CAMK2D: variants seen among roughly 807,000 people sequenced by gnomAD.
The protein encoded by CAMK2D is calcium/calmodulin dependent protein kinase II delta, also known as calcium/calmodulin-dependent protein kinase type II subunit delta.
CAMK2D carries 37 observed loss-of-function variants against 84.0 expected under a neutral mutation model. That is an observed-to-expected ratio of 0.44 (90% CI 0.34 to 0.58). CAMK2D has a LOEUF of 0.58. CAMK2D is among the 20% of genes least tolerant of loss of function. The pLI, the probability that CAMK2D is intolerant of heterozygous loss-of-function variation, is 0.02. For missense variants in CAMK2D, 448 were observed against 652.5 expected (o/e 0.69, Z 3.41); for synonymous variants, 202 against 212.5 (o/e 0.95, Z 0.43).
intron 2 of CAMK2D, among the ~76,000 whole-genome samples, chr4:113,680,915 C>T (rs1166930050): frequency 6.6e-6 from 1 of 152,178 alleles, no homozygotes; most frequent in Non-Finnish European, 1.5e-5. Flanking sequence ...TTAATCTTCA[C>T]CATCTCCCTG....
chr4:113,584,701 C>A (rs1436751085), intron 4 of CAMK2D, among the ~76,000 whole-genome samples: 2 of 152,016 alleles, frequency 1.3e-5, no homozygotes, highest in Non-Finnish European at 2.9e-5. Flanking sequence ...TTATGCTCAC[C>A]CCTTAGATAA....
chr4:113,543,767 A>AGTTT (rs1165768667), intron 6 of CAMK2D, among the ~76,000 whole-genome samples: 8 of 135,070 alleles, frequency 5.9e-5, no homozygotes, highest in African/African-American at 2.3e-4. Context: ...CTATCTATCA[A>AGTTT]GTTTATTTAT....
chr4:113,666,751 G>A (rs1297539021), intron 2 of CAMK2D, among the ~76,000 whole-genome samples: 1 of 152,128 alleles, frequency 6.6e-6, no homozygotes, highest in African/African-American at 2.4e-5. Context: ...CAAAATTACA[G>A]AGGAGTTGCC....
chr4:113,469,791 C>T (rs2097525402), intron 16 of CAMK2D, among the ~76,000 whole-genome samples: 1 of 152,176 alleles, frequency 6.6e-6, no homozygotes, highest in African/African-American at 2.4e-5. Flanking sequence ...ACCTGAGGAT[C>T]ATATTTGACT....
chr4:113,498,405 G>A (rs1362945279), intron 16 of CAMK2D, among the ~76,000 whole-genome samples: 1 of 152,142 alleles, frequency 6.6e-6, no homozygotes, highest in Non-Finnish European at 1.5e-5. Flanking sequence ...AAAAGGGTTA[G>A]TCTCCAGAAG....
At chr4:113,483,922 T>A (rs1377555070) in intron 16 of CAMK2D, among the ~76,000 whole-genome samples, 1 of 152,176 alleles carries the variant, frequency 6.6e-6, no homozygotes, top group East Asian at 1.9e-4. Context: ...TATGAGAATG[T>A]CTGTTTCCAT....
chr4:113,579,036 CTG>C (rs57050100), intron 4 of CAMK2D, among the ~76,000 whole-genome samples: 109,942 of 151,910 alleles, frequency 0.72, 40,073 homozygotes, highest in Middle Eastern at 0.78. Flanking sequence ...AAAAGGCAAA[CTG>C]TACAAATCAG....
At chr4:113,699,028 T>C (rs1372149901) in intron 2 of CAMK2D, among the ~76,000 whole-genome samples, 1 of 152,122 alleles carries the variant, frequency 6.6e-6, no homozygotes, top group African/African-American at 2.4e-5. Flanking sequence ...GGATAGATAT[T>C]GCCAAATTGC....
At chr4:113,609,809 AT>A (rs2098992500) in intron 3 of CAMK2D, among the ~76,000 whole-genome samples, 1 of 152,208 alleles carries the variant, frequency 6.6e-6, no homozygotes, top group Admixed American at 6.5e-5. Flanking sequence ...ACCCAAATCC[AT>A]TTACCAAGTC....
chr4:113,557,544 G>A (rs1196743486), intron 4 of CAMK2D, among the ~76,000 whole-genome samples: 1 of 152,190 alleles, frequency 6.6e-6, no homozygotes, highest in Non-Finnish European at 1.5e-5. Flanking sequence ...TGGTCTTTCT[G>A]CAGTGTCTGT....
intron 2 of CAMK2D, among the ~76,000 whole-genome samples, chr4:113,707,031 G>A (rs1474371184): frequency 6.6e-6 from 1 of 151,966 alleles, no homozygotes; most frequent in Non-Finnish European, 1.5e-5. Flanking sequence ...GTAAAGGCTG[G>A]CCACGTGCGA....
At chr4:113,700,965 A>T (rs1249730454) in intron 2 of CAMK2D, among the ~76,000 whole-genome samples, 3 of 152,218 alleles carry the variant, frequency 2.0e-5, no homozygotes, top group Non-Finnish European at 4.4e-5. Context: ...TCAAATTTCA[A>T]CTAATAAGGT....
chr4:113,645,298 G>A (rs972304647), intron 3 of CAMK2D, among the ~76,000 whole-genome samples: 2 of 152,184 alleles, frequency 1.3e-5, no homozygotes, highest in Admixed American at 1.3e-4. Flanking sequence ...TTTTAGGCAT[G>A]AGCCACCATG....
rs187540466 is a variant in CAMK2D, at chr4:113,570,356, A to G, written c.276-18260T>C. On this transcript the variant is annotated intron_variant, in intron 4 of 20. Coordinates refer to ENST00000511664, the MANE Select transcript of CAMK2D (RefSeq NM_001321571.2). ...ACAGCTAGAGCAATCTTGAGCAAAG[A>G]GAACAAAGCTGAAAGCATCACACTA... Among the ~76,000 whole-genome samples, 231 of 152,326 alleles carry G rather than the reference A, an allele frequency of 1.5e-3. 1 individual carries two copies. The highest frequency in any genetic ancestry group is 5.3e-3 in the African/African-American group (220 of 41,584).
chr4:113,570,269 G>GA (rs1409444339), intron 4 of CAMK2D, among the ~76,000 whole-genome samples: 1 of 151,808 alleles, frequency 6.6e-6, no homozygotes, highest in African/African-American at 2.4e-5. Context: ...CACAGAAATA[G>GA]AAAAAACAAT....
intron 3 of CAMK2D, among the ~76,000 whole-genome samples, chr4:113,638,710 T>G (rs2099119854): frequency 6.6e-6 from 1 of 152,070 alleles, no homozygotes; most frequent in South Asian, 2.1e-4. Context: ...CAACTCTAGA[T>G]AAAGTGCTAC....
chr4:113,656,500 T>C (rs370239332), intron 3 of CAMK2D, among the ~76,000 whole-genome samples: 2 of 152,144 alleles, frequency 1.3e-5, no homozygotes, highest in South Asian at 2.1e-4. Flanking sequence ...ATTTTACACA[T>C]AGCAGACACA....
At chr4:113,652,565 G>A (rs377406318) in intron 3 of CAMK2D, among the ~76,000 whole-genome samples, 29 of 152,244 alleles carry the variant, frequency 1.9e-4, no homozygotes, top group Middle Eastern at 3.4e-3. Context: ...TCCCCATGGT[G>A]AGAAAAGGGA....
At chr4:113,575,486 G>A (rs979685149) in intron 4 of CAMK2D, among the ~76,000 whole-genome samples, 6 of 151,992 alleles carry the variant, frequency 3.9e-5, no homozygotes, top group Admixed American at 1.3e-4. Context: ...TAAAGACCCC[G>A]GATCATAATT....
Sources: gnomAD v4.1 joint callset for allele counts (sites outside exome capture counted in the v4.1 genomes callset) on GRCh38, gnomAD v4.1.1 for gene constraint, MANE v1.5 for transcripts, NCBI Gene and HGNC (gene_info 2026-07-23, HGNC 2026-07-21) for gene names.